The following ZNF585B variants were observed in gnomAD, a reference collection of about 807,000 sequenced individuals.
ZNF585B encodes the protein zinc finger protein 585B.
A neutral mutation model predicts 14.0 loss-of-function variants in ZNF585B; 7 were observed. The observed-to-expected ratio is 0.50, with a 90% confidence interval of 0.28 to 0.94. The LOEUF (loss-of-function observed/expected upper bound fraction) is 0.94, where lower values mean the gene tolerates loss of function less well. Ranked by LOEUF, ZNF585B falls within the 40% of genes least tolerant of loss-of-function variation. ZNF585B has a pLI of 0.09. For synonymous variants in ZNF585B, 290 were observed against 317.3 expected (o/e 0.91, Z 0.91); for missense variants, 750 against 924.4 (o/e 0.81, Z 2.45).
chr19:37,189,580 G>C (rs1361662461), intron 4 of ZNF585B, 81 bp downstream of exon 4: 1 of 1,522,932 alleles, frequency 6.6e-7, no homozygotes, highest in Non-Finnish European at 9.1e-7. Flanking sequence ...GCACTTCACA[G>C]GTTCCAGTGT....
chr19:37,186,607 C>T lies in ZNF585B; in HGVS notation c.930G>A (p.Lys310=), dbSNP rs779556935. ...CNNCGKSFIS[K]SQLQVHQRVH... ...CACGTTGATGTACCTGAAGTTGTGA[C>T]TTGGAAATGAAGGATTTGCCACAGT... Residue 310 remains lysine (K), a synonymous_variant, in exon 5 of 5, where the codon AAG becomes AAA. Coordinates refer to ENST00000532828, the MANE Select transcript of ZNF585B (RefSeq NM_152279.4). The T allele has an allele frequency of 1.4e-5, 22 of 1,614,096 alleles. No homozygotes were observed. Among genetic ancestry groups the T allele is most frequent in the African/African-American group, 4.0e-5 (3 of 74,934 alleles).
chr19:37,185,880 G>A lies in ZNF585B; in HGVS notation c.1657C>T (p.His553Tyr). 6.2e-7 allele frequency: 1 copy of A among 1,613,434 alleles called. No individual in the cohort carries two copies. Among genetic ancestry groups the A allele is most frequent in the Non-Finnish European group, 8.5e-7 (1 of 1,179,886 alleles). The change falls in exon 5 of 5, where the codon CAC (histidine) becomes TAC (tyrosine). Residue 553 changes from histidine (H) to tyrosine (Y), a missense_variant. Physicochemically the swap from His to Tyr is moderately conservative, Grantham distance 83. This residue lies in a region of ZNF585B where 233 missense variants were observed against 354.1 expected (regional missense o/e 0.66). Coordinates refer to ENST00000532828, the MANE Select transcript of ZNF585B (RefSeq NM_152279.4). ...IHTGERQYEC[H>Y]ECGKAFNQKS... is the part of the protein sequence containing the mutation. Reference sequence around the variant, plus strand: ...TGGTTGAAGGCTTTCCCACATTCGTGGCATTCATACTGTCTCTCTCCAGTG... The same window carrying A: ...TGGTTGAAGGCTTTCCCACATTCGTAGCATTCATACTGTCTCTCTCCAGTG...
rs919106538 is a variant in ZNF585B, at chr19:37,182,215, G to A, written c.*3012C>T. ...ATATATGTCAGCACTAAAATATCAC[G>A]TTACAATAAATATAAAGGAGAAATT... On this transcript the variant is annotated 3_prime_UTR_variant, in exon 5 of 5. Coordinates refer to ENST00000532828, the MANE Select transcript of ZNF585B (RefSeq NM_152279.4). 2 of 152,060 alleles carry A rather than the reference G, an allele frequency of 1.3e-5. No individual in the cohort carries two copies. The highest frequency in any genetic ancestry group is 2.9e-5 in the Non-Finnish European group (2 of 68,014). 9.4% of individuals were successfully genotyped at this position (152,060 alleles called of 1,614,324 possible).
chr19:37,206,249 C>T (rs182117094), intron 2 of ZNF585B, among the ~76,000 whole-genome samples: 20 of 151,908 alleles, frequency 1.3e-4, no homozygotes, highest in Middle Eastern at 3.4e-3. Flanking sequence ...ATCAGGAGTT[C>T]GAGATCAGCC....
intron 2 of ZNF585B, among the ~76,000 whole-genome samples, chr19:37,201,931 T>C (rs1245280678): frequency 6.6e-6 from 1 of 152,218 alleles, no homozygotes; most frequent in African/African-American, 2.4e-5. Context: ...TTAGACTTCT[T>C]TGACTTTGGA....
chr19:37,197,852 T>C (rs970531966), intron 2 of ZNF585B, among the ~76,000 whole-genome samples: 1 of 152,150 alleles, frequency 6.6e-6, no homozygotes, highest in Admixed American at 6.5e-5. Flanking sequence ...ACCTAATACA[T>C]AAAGTAAGGC....
chr19:37,198,904 T>A, intron 2 of ZNF585B: 1 of 1,244,264 alleles, frequency 8.0e-7, no homozygotes, highest in Non-Finnish European at 1.1e-6. Flanking sequence ...TATTTATAAT[T>A]TTTAATATGT....
Position 37,186,854 on chromosome 19 carries a change from T to C in ZNF585B, c.683A>G (p.Asp228Gly). 1.2e-6 allele frequency: 2 copies of C among 1,613,994 alleles called. No individual in the cohort carries two copies. The highest frequency in any genetic ancestry group is 2.2e-5 in the South Asian group (2 of 91,074). The change falls in exon 5 of 5, where the codon GAT (aspartate) becomes GGT (glycine). Residue 228 changes from aspartate to glycine, a missense_variant. Asp to Gly is a moderately conservative substitution (Grantham distance 94, BLOSUM62 -1). Transcript: ENST00000532828. ...ATGAATTTTCTCATGTATACTGAGA[T>C]CTGAGTTATAAGGGAAACCTTTCCC... Reference protein sequence around the residue: ...ECGKGFPYNSDLSIHEKIHTG... With the variant: ...ECGKGFPYNSGLSIHEKIHTG...
chr19:37,186,463 C>A lies in ZNF585B; in HGVS notation c.1074G>T (p.Glu358Asp), dbSNP rs553395236. ...QSREKSSICT[E>D]CGKAFTYRSE... ...ACCTGTAGGTAAAGGCCTTCCCACACTCAGTACATATGGAAGATTTCTCTC... is the reference window on the plus strand; with the variant it reads ...ACCTGTAGGTAAAGGCCTTCCCACAATCAGTACATATGGAAGATTTCTCTC... Residue 358 changes from glutamate to aspartate, a missense_variant, in exon 5 of 5, where the codon GAG (glutamate) becomes GAT (aspartate). Around this residue, in one of 2 missense-constraint regions of ZNF585B, gnomAD observed 517 missense variants for 570.3 expected, o/e 0.91. Transcript: ENST00000532828. The A allele has an allele frequency of 1.9e-6, 3 of 1,614,118 alleles. No homozygotes were observed. In the South Asian group the frequency reaches 3.3e-5, roughly 18 times the overall value.
At chr19:37,199,141 A>G in intron 2 of ZNF585B, 1 of 630,704 alleles carries the variant, frequency 1.6e-6, no homozygotes, top group South Asian at 2.0e-5. Flanking sequence ...CCCAACCCCC[A>G]AACCCTATGT....
At chr19:37,206,488 G>A (rs1011868710) in intron 2 of ZNF585B, among the ~76,000 whole-genome samples, 1 of 151,738 alleles carries the variant, frequency 6.6e-6, no homozygotes, top group Admixed American at 6.6e-5. Flanking sequence ...ACAAACTAGA[G>A]TTTTTAAAAA....
chr19:37,202,458 CTT>C (rs1972540242), intron 2 of ZNF585B, among the ~76,000 whole-genome samples: 1 of 152,174 alleles, frequency 6.6e-6, no homozygotes, highest in Non-Finnish European at 1.5e-5. Context: ...TTACTCAAAA[CTT>C]TGGCATGAAA....
At chr19:37,208,153 A>G (rs1405656511) in intron 1 of ZNF585B, among the ~76,000 whole-genome samples, 2 of 152,108 alleles carry the variant, frequency 1.3e-5, no homozygotes, top group East Asian at 1.9e-4. Context: ...TTGTATTTTT[A>G]GTAGAGTCAG....
At position 37,184,422 on chromosome 19, in the gene ZNF585B, GAAAGAAAAAGAAAGAAAGAAGGAA is replaced by G. The variant is rs1972299906; in HGVS notation, c.*781_*804del. On this transcript the variant is annotated 3_prime_UTR_variant, in exon 5 of 5. Coordinates refer to ENST00000532828, the MANE Select transcript of ZNF585B (RefSeq NM_152279.4). The stretch of plus-strand genomic sequence containing the variant: ...AAAGAAAGAAAGAAAGAAAGAGAAA[GAAAGAAAAAGAAAGAAAGAAGGAA>G]AGAAAGAAAGAAAGAAAGAAAGAAA... 1 of 74,874 alleles carries G rather than the reference GAAAGAAAAAGAAAGAAAGAAGGAA, an allele frequency of 1.3e-5. No homozygotes were observed. Among genetic ancestry groups the G allele is most frequent in the African/African-American group, 6.4e-5 (1 of 15,644 alleles). 4.6% of individuals were successfully genotyped at this position (74,874 alleles called of 1,614,324 possible). A position where few individuals can be genotyped will look rare whatever the true frequency, so the allele number is the denominator to read the frequency against.
intron 2 of ZNF585B, among the ~76,000 whole-genome samples, chr19:37,201,761 C>T (rs992579070): frequency 3.9e-5 from 6 of 152,078 alleles, no homozygotes; most frequent in Admixed American, 3.9e-4. Flanking sequence ...TGGTGGGAAA[C>T]AATATGTTAC....
chr19:37,205,350 G>A (rs1972574766), intron 2 of ZNF585B, among the ~76,000 whole-genome samples: 1 of 152,182 alleles, frequency 6.6e-6, no homozygotes, highest in South Asian at 2.1e-4. Flanking sequence ...CTCACCACGT[G>A]ACTAGAACCC....
At chr19:37,191,796 C>G (rs147043113) in intron 2 of ZNF585B, among the ~76,000 whole-genome samples, 50 of 151,922 alleles carry the variant, frequency 3.3e-4, no homozygotes, top group African/African-American at 1.2e-3. Flanking sequence ...CACTTTGGGA[C>G]GCCGAGGTAG....
At position 37,207,285 on chromosome 19, in the gene ZNF585B, A is replaced by G. The variant is rs1295741970; in HGVS notation, c.-143-31T>C. On this transcript the variant is annotated intron_variant, in intron 1 of 4. Coordinates refer to ENST00000532828, the MANE Select transcript of ZNF585B (RefSeq NM_152279.4). ...AAAACAATGTCCACGTAGTCATTCA[A>G]CATTCACTACATAAACACTTCCTGG... 9.2e-6 allele frequency: 13 copies of G among 1,405,822 alleles called. No individual in the cohort carries two copies. In the East Asian group the frequency reaches 3.1e-4, roughly 33 times the overall value. 87.1% of individuals were successfully genotyped at this position (1,405,822 alleles called of 1,614,324 possible).
At chr19:37,194,443 A>G (rs775084307) in intron 2 of ZNF585B, among the ~76,000 whole-genome samples, 16 of 152,130 alleles carry the variant, frequency 1.1e-4, no homozygotes, top group Non-Finnish European at 1.5e-4. Context: ...GCAAAACCCC[A>G]TCTCTGCTAA....
Sources: gnomAD v4.1 joint callset for allele counts (sites outside exome capture counted in the v4.1 genomes callset) on GRCh38, gnomAD v4.1.1 for gene constraint, gnomAD v4.1.1 regional missense constraint, MANE v1.5 for transcripts, NCBI Gene and HGNC (gene_info 2026-07-23, HGNC 2026-07-21) for gene names.